SLIT3: variants seen among roughly 807,000 people sequenced by gnomAD.
The protein encoded by SLIT3 is slit homolog 3 protein.
In SLIT3, 68 loss-of-function variants were observed where a neutral mutation model predicts 184.0. That is an observed-to-expected ratio of 0.37 (90% CI 0.30 to 0.45). The LOEUF is 0.45. SLIT3 is among the 20% of genes least tolerant of loss of function. The pLI, the probability that SLIT3 is intolerant of heterozygous loss-of-function variation, is 1.00. For synonymous variants in SLIT3, 831 were observed against 828.6 expected, an observed-to-expected ratio of 1.00 and a Z score of -0.05; for missense variants, 1,707 against 2,026.0, an observed-to-expected ratio of 0.84 and a Z score of 3.02.
At chr5:169,058,197 C>T (rs971304920) in intron 4 of SLIT3, among the ~76,000 whole-genome samples, 2 of 152,252 alleles carry the variant, frequency 1.3e-5, no homozygotes, top group Non-Finnish European at 1.5e-5. Context: ...CGCTTCTCCC[C>T]GAGCCTTGTG....
intron 7 of SLIT3, among the ~76,000 whole-genome samples, 157 bp downstream of exon 7, chr5:168,823,103 G>T (rs371983430): frequency 6.6e-6 from 1 of 152,118 alleles, no homozygotes; most frequent in African/African-American, 2.4e-5. Context: ...ACCCTCACTC[G>T]CCAAGGCACC....
chr5:169,280,105 C>T (rs1766946584), intron 1 of SLIT3, among the ~76,000 whole-genome samples: 1 of 152,248 alleles, frequency 6.6e-6, no homozygotes, highest in South Asian at 2.1e-4. Flanking sequence ...GTCCCAAGTC[C>T]TGCTGTTTCT....
intron 5 of SLIT3, among the ~76,000 whole-genome samples, chr5:168,850,759 G>A (rs540092491): frequency 2.0e-5 from 3 of 152,228 alleles, no homozygotes; most frequent in Admixed American, 6.5e-5. Flanking sequence ...TCATAATGCC[G>A]TTCAACATAT....
At chr5:168,974,675 A>G (rs963050912) in intron 4 of SLIT3, among the ~76,000 whole-genome samples, 3 of 152,312 alleles carry the variant, frequency 2.0e-5, no homozygotes, top group East Asian at 3.9e-4. Flanking sequence ...GGCCCTTTAA[A>G]GACACCAGTT....
At position 168,749,560 on chromosome 5, in the gene SLIT3, G is replaced by T. The variant is rs745360694; in HGVS notation, c.2049C>A (p.Ile683=). 6.2e-7 allele frequency: 1 copy of T among 1,614,176 alleles called. No homozygotes were observed. ...TCTGGCACCTAGGGTTCCCACTGAC[G>T]ATCCGCCTCTTCCTCAACCACTTGC... ...WLGKWLRKRR[I]VSGNPRCQKP... is the part of the protein sequence containing the mutation. The change falls in exon 19 of 36, where the codon ATC becomes ATA. Residue 683 remains isoleucine, a synonymous_variant. Transcript: ENST00000519560.
At chr5:168,964,726 T>G (rs756712966) in intron 4 of SLIT3, among the ~76,000 whole-genome samples, 10 of 152,220 alleles carry the variant, frequency 6.6e-5, no homozygotes, top group Non-Finnish European at 1.3e-4. Context: ...TAAGCCAGGA[T>G]GAGCATCAAA....
At chr5:169,130,830 C>T (rs1761270408) in intron 4 of SLIT3, among the ~76,000 whole-genome samples, 1 of 152,148 alleles carries the variant, frequency 6.6e-6, no homozygotes, top group Admixed American at 6.5e-5. Flanking sequence ...GATCATGTGT[C>T]AGCATGAGGA....
chr5:169,077,423 C>A (rs559851784), intron 4 of SLIT3, among the ~76,000 whole-genome samples: 91 of 152,058 alleles, frequency 6.0e-4, no homozygotes, highest in African/African-American at 2.1e-3. Flanking sequence ...CCTGTAATCC[C>A]AGCTACTTGG....
intron 1 of SLIT3, among the ~76,000 whole-genome samples, chr5:169,260,571 G>A (rs1451790201): frequency 6.6e-6 from 1 of 152,156 alleles, no homozygotes; most frequent in Non-Finnish European, 1.5e-5. Context: ...CTGGCTTAGA[G>A]GTGATAATTG....
chr5:168,757,569 C>A, intron 16 of SLIT3, among the ~76,000 whole-genome samples: 1 of 152,278 alleles, frequency 6.6e-6, no homozygotes. Flanking sequence ...GAGTAGCTGG[C>A]ACTACAGGCG....
intron 4 of SLIT3, among the ~76,000 whole-genome samples, chr5:168,885,165 C>T (rs774288048): frequency 2.0e-5 from 3 of 152,154 alleles, no homozygotes; most frequent in Admixed American, 6.5e-5. Context: ...CGAAACTTGA[C>T]GATCATCTGG....
chr5:168,861,552 C>T (rs1759110168), intron 5 of SLIT3, among the ~76,000 whole-genome samples: 1 of 152,126 alleles, frequency 6.6e-6, no homozygotes, highest in African/African-American at 2.4e-5. Context: ...GAAAGGAAAT[C>T]ATTTCAGGAA....
At chr5:169,048,142 G>A (rs1286043059) in intron 4 of SLIT3, among the ~76,000 whole-genome samples, 3 of 152,152 alleles carry the variant, frequency 2.0e-5, no homozygotes, top group African/African-American at 7.2e-5. Context: ...AGAAACTGAT[G>A]AGGCTGAAAG....
rs371606441 is a variant in SLIT3 at position 169,110,516 on chromosome 5, C to T, written c.413+82963G>A. Among the ~76,000 whole-genome samples the T allele has an allele frequency of 7.5e-4, 114 of 152,158 alleles. 2 individuals are homozygous for T. The South Asian group carries it at 0.024, about 31-fold the overall frequency. Reference sequence around the variant, plus strand: ...CTTGTAGAAGGCATTCTCTCTGTACCCTACATCATTTTTCATTTATGCATG... The same window carrying T: ...CTTGTAGAAGGCATTCTCTCTGTACTCTACATCATTTTTCATTTATGCATG... On this transcript the variant is annotated intron_variant, in intron 4 of 35. Coordinates refer to ENST00000519560, the MANE Select transcript of SLIT3 (RefSeq NM_003062.4).
intron 4 of SLIT3, among the ~76,000 whole-genome samples, chr5:169,085,697 G>A (rs1257523665): frequency 2.6e-5 from 4 of 152,140 alleles, no homozygotes; most frequent in East Asian, 1.9e-4. Flanking sequence ...AAGACAAATC[G>A]TCGTCTTAAA....
intron 4 of SLIT3, among the ~76,000 whole-genome samples, chr5:168,983,009 A>G (rs1362221604): frequency 6.6e-6 from 1 of 152,182 alleles, no homozygotes; most frequent in Non-Finnish European, 1.5e-5. Flanking sequence ...TTCTTTTGAG[A>G]AAGAATAATC....
intron 4 of SLIT3, among the ~76,000 whole-genome samples, chr5:169,147,486 C>T: frequency 6.6e-6 from 1 of 152,154 alleles, no homozygotes; most frequent in Admixed American, 6.5e-5. Flanking sequence ...GTCTCAATCT[C>T]CTGACCTCAT....
chr5:169,006,393 C>A (rs905534224), intron 4 of SLIT3, among the ~76,000 whole-genome samples: 1 of 152,116 alleles, frequency 6.6e-6, no homozygotes, highest in Non-Finnish European at 1.5e-5. Flanking sequence ...CATCCCTTAA[C>A]AACACGACTC....
chr5:169,156,177 T>C (rs1268371720), intron 4 of SLIT3, among the ~76,000 whole-genome samples: 1 of 152,210 alleles, frequency 6.6e-6, no homozygotes, highest in Non-Finnish European at 1.5e-5. Flanking sequence ...GTCATTCTCC[T>C]AACTGGTAAA....
Sources: allele counts gnomAD v4.1 joint callset (sites outside exome capture counted in the v4.1 genomes callset), GRCh38; gene constraint gnomAD v4.1.1; transcripts MANE v1.5; gene names NCBI Gene and HGNC (gene_info 2026-07-23, HGNC 2026-07-21).